GABRB1: variants seen among roughly 807,000 people sequenced by gnomAD.
The protein encoded by GABRB1 is gamma-aminobutyric acid type A receptor subunit beta1, also known as gamma-aminobutyric acid receptor subunit beta-1.
GABRB1 carries 17 observed loss-of-function variants against 51.6 expected under a neutral mutation model. That is an observed-to-expected ratio of 0.33 (90% CI 0.23 to 0.49). The LOEUF (loss-of-function observed/expected upper bound fraction) is 0.49, where lower values mean the gene tolerates loss of function less well. Ranked by LOEUF, GABRB1 falls within the 20% of genes least tolerant of loss-of-function variation. The pLI is 0.99. For synonymous variants in GABRB1, 247 were observed against 218.9 expected (o/e 1.13, Z -1.14); for missense variants, 410 against 600.6 (o/e 0.68, Z 3.32).
upstream of GABRB1, among the ~76,000 whole-genome samples, chr4:47,029,398 G>C (rs1203099704): frequency 6.6e-6 from 1 of 151,696 alleles, no homozygotes; most frequent in African/African-American, 2.4e-5. Flanking sequence ...TCCTTATTTA[G>C]AGTGGCTTTT....
At chr4:47,150,275 G>A (rs1247760232) in intron 3 of GABRB1, among the ~76,000 whole-genome samples, 1 of 135,746 alleles carries the variant, frequency 7.4e-6, no homozygotes, top group African/African-American at 2.9e-5. Context: ...AGCTATCTAT[G>A]AAGTGAGCTA....
At chr4:47,315,145 A>G (rs1724837834) in intron 4 of GABRB1, among the ~76,000 whole-genome samples, 1 of 152,238 alleles carries the variant, frequency 6.6e-6, no homozygotes, top group African/African-American at 2.4e-5. Flanking sequence ...CACATCTGAC[A>G]AAGGTTTAAT....
Position 47,426,149 on chromosome 4 carries a change from A to G in GABRB1, c.*131A>G, listed in dbSNP as rs1004502912. ...CCATCCAATTGGTTTTAGGTCTTGC[A>G]TATCAGTTTTATTACTGCACCATGT... is the stretch of plus-strand genomic sequence containing the variant. On this transcript the variant is annotated 3_prime_UTR_variant, in exon 9 of 9. Coordinates refer to ENST00000295454, the MANE Select transcript of GABRB1 (RefSeq NM_000812.4). The G allele has an allele frequency of 5.7e-6, 4 of 707,692 alleles. No individual in the cohort carries two copies. The highest frequency in any genetic ancestry group is 5.4e-5 in the East Asian group (2 of 36,722). The allele number at this position is 707,692 out of a possible 1,614,324, so 43.8% of individuals were successfully genotyped here.
intron 3 of GABRB1, among the ~76,000 whole-genome samples, chr4:47,090,505 T>C (rs1421558216): frequency 1.3e-5 from 2 of 152,198 alleles, no homozygotes; most frequent in African/African-American, 2.4e-5. Context: ...AGACACAACA[T>C]TGGATAAATC....
At chr4:47,110,442 C>T (rs1012782209) in intron 3 of GABRB1, among the ~76,000 whole-genome samples, 1 of 152,092 alleles carries the variant, frequency 6.6e-6, no homozygotes, top group Admixed American at 6.6e-5. Context: ...ATGCACAAGC[C>T]ATCAGAATAT....
chr4:47,187,706 A>G (rs1351765288), intron 4 of GABRB1, among the ~76,000 whole-genome samples: 1 of 151,820 alleles, frequency 6.6e-6, no homozygotes, highest in Admixed American at 6.6e-5. Flanking sequence ...CTTCACTCAG[A>G]AAAGAATCCA....
chr4:47,423,891 A>G (rs1729174994), intron 8 of GABRB1, among the ~76,000 whole-genome samples: 1 of 152,216 alleles, frequency 6.6e-6, no homozygotes, highest in Non-Finnish European at 1.5e-5. Flanking sequence ...TTACTGAAAT[A>G]CTGAAATTAC....
At chr4:47,220,155 T>C (rs1720714308) in intron 4 of GABRB1, among the ~76,000 whole-genome samples, 1 of 152,030 alleles carries the variant, frequency 6.6e-6, no homozygotes, top group Non-Finnish European at 1.5e-5. Context: ...CATCATCCCA[T>C]CTTTTTTCTT....
At chr4:47,014,927 G>A (rs2109444062) in intron 1 of GABRB1, among the ~76,000 whole-genome samples, 1 of 151,646 alleles carries the variant, frequency 6.6e-6, no homozygotes. Context: ...TATTTATTGA[G>A]ACGGAGTCTC....
intron 3 of GABRB1, among the ~76,000 whole-genome samples, chr4:47,146,099 A>C (rs989237118): frequency 2.0e-5 from 3 of 152,060 alleles, no homozygotes; most frequent in African/African-American, 7.2e-5. Context: ...GTTTGCAGGT[A>C]TCACTTTAGC....
chr4:47,103,995 T>G (rs1170939141), intron 3 of GABRB1, among the ~76,000 whole-genome samples: 1 of 151,900 alleles, frequency 6.6e-6, no homozygotes, highest in Non-Finnish European at 1.5e-5. Flanking sequence ...TTTCTAGCAT[T>G]CCTTATGTCT....
At chr4:47,011,250 C>T (rs1405462117) in intron 1 of GABRB1, among the ~76,000 whole-genome samples, 1 of 152,106 alleles carries the variant, frequency 6.6e-6, no homozygotes, top group Non-Finnish European at 1.5e-5. Context: ...CTCACCTTAT[C>T]ATTGTTGCTG....
chr4:47,393,553 T>A (rs936055207), intron 5 of GABRB1, among the ~76,000 whole-genome samples: 7 of 152,188 alleles, frequency 4.6e-5, no homozygotes, highest in African/African-American at 1.7e-4. Flanking sequence ...TTGTTGAGGA[T>A]TTTGTGGTGT....
intron 5 of GABRB1, among the ~76,000 whole-genome samples, chr4:47,389,225 C>T (rs554055743): frequency 2.6e-5 from 4 of 152,176 alleles, no homozygotes; most frequent in South Asian, 2.1e-4. Flanking sequence ...GTTTCATTAT[C>T]CCCTTATAAG....
chr4:47,185,568 A>T (rs564130736), intron 4 of GABRB1, among the ~76,000 whole-genome samples: 43 of 151,816 alleles, frequency 2.8e-4, no homozygotes, highest in Non-Finnish European at 5.5e-4. Context: ...GTTGTAAAAA[A>T]AATGGTATGG....
At chr4:47,352,438 C>T (rs1047471434) in intron 5 of GABRB1, among the ~76,000 whole-genome samples, 1 of 152,250 alleles carries the variant, frequency 6.6e-6, no homozygotes. Flanking sequence ...CATCCTGATA[C>T]CAAAGCCGGG....
chr4:47,233,336 T>G (rs935818004), intron 4 of GABRB1, among the ~76,000 whole-genome samples: 7 of 152,300 alleles, frequency 4.6e-5, no homozygotes, highest in African/African-American at 1.7e-4. Context: ...TACACTTTCA[T>G]TAATTTTGGA....
chr4:47,296,879 C>T (rs1186574067), intron 4 of GABRB1, among the ~76,000 whole-genome samples: 35 of 152,166 alleles, frequency 2.3e-4, no homozygotes, highest in African/African-American at 4.1e-4. Context: ...CCTCAGCAAA[C>T]GTAAAAGAAC....
At chr4:47,206,045 G>T (rs573954681) in intron 4 of GABRB1, among the ~76,000 whole-genome samples, 2 of 149,056 alleles carry the variant, frequency 1.3e-5, no homozygotes, top group African/African-American at 2.5e-5. Flanking sequence ...TGAGCCATAG[G>T]TTCACAGGAT....
Sources: gnomAD v4.1 joint callset for allele counts (sites outside exome capture counted in the v4.1 genomes callset) on GRCh38, gnomAD v4.1.1 for gene constraint, MANE v1.5 for transcripts, NCBI Gene and HGNC (gene_info 2026-07-23, HGNC 2026-07-21) for gene names.